The following EXOC4 variants were observed in gnomAD, a reference collection of about 807,000 sequenced individuals.
The protein encoded by EXOC4 is exocyst complex component 4.
A neutral mutation model predicts 107.2 loss-of-function variants in EXOC4; 71 were observed. That is an observed-to-expected ratio of 0.66 (90% CI 0.55 to 0.81). The LOEUF (loss-of-function observed/expected upper bound fraction) is 0.81, where lower values mean the gene tolerates loss of function less well. Ranked by LOEUF, EXOC4 falls within the 30% of genes least tolerant of loss-of-function variation. The probability of loss-of-function intolerance (pLI) is 0.00; values close to 1 mark genes in which losing one functional copy is unlikely to be tolerated. For missense variants in EXOC4, 1,108 were observed against 1,189.6 expected, an observed-to-expected ratio of 0.93 and a Z score of 1.01; for synonymous variants, 456 against 441.2, an observed-to-expected ratio of 1.03 and a Z score of -0.42.
chr7:133,777,849 C>T (rs764937439), intron 10 of EXOC4, among the ~76,000 whole-genome samples: 11 of 152,186 alleles, frequency 7.2e-5, no homozygotes, highest in South Asian at 2.1e-4. Flanking sequence ...AATCCTCTGG[C>T]GTATAGCTAG....
chr7:133,943,645 G>A (rs1800483470), intron 14 of EXOC4, among the ~76,000 whole-genome samples: 1 of 152,004 alleles, frequency 6.6e-6, no homozygotes. Context: ...ATTTCTCCCG[G>A]CACCATCAGG....
intron 9 of EXOC4, among the ~76,000 whole-genome samples, chr7:133,520,790 CTTCCTTTCTT>C (rs1799964223): frequency 6.6e-6 from 1 of 152,008 alleles, no homozygotes; most frequent in South Asian, 2.1e-4. Context: ...TCTATTCTCC[CTTCCTTTCTT>C]TTCCTTTCTC....
chr7:133,360,806 A>C (rs1051156083), intron 6 of EXOC4, among the ~76,000 whole-genome samples: 1 of 152,240 alleles, frequency 6.6e-6, no homozygotes, highest in Non-Finnish European at 1.5e-5. Context: ...TTTTAATCAC[A>C]AGAAATTATT....
In EXOC4 at chr7:133,794,423, G is replaced by A. The variant is rs546792331; in HGVS notation, c.1515-22902G>A. On this transcript the variant is annotated intron_variant, in intron 10 of 17. Coordinates refer to ENST00000253861, the MANE Select transcript of EXOC4 (RefSeq NM_021807.4). ...GTCCCAGTAACATGGAGGCTACCTGGCCTCCTTAGTGAGCCCAGGAGAAGA... is the reference window on the plus strand; with the variant it reads ...GTCCCAGTAACATGGAGGCTACCTGACCTCCTTAGTGAGCCCAGGAGAAGA... 5.3e-5 allele frequency among the ~76,000 whole-genome samples: 8 copies of A among 152,186 alleles called. No homozygotes were observed. The South Asian group carries it at 1.7e-3, about 32-fold the overall frequency.
rs1334402698 is a variant in EXOC4 at position 133,665,351 on chromosome 7, A to G, written c.1514+35210A>G. Among the ~76,000 whole-genome samples, 3 of 152,302 alleles carry G rather than the reference A, an allele frequency of 2.0e-5. No homozygotes were observed. In the East Asian group the frequency reaches 5.8e-4, roughly 29 times the overall value. ...GATCAAATGTGTACAAATACGCTTC[A>G]TAAATTGCTGTAAACATTTAAGTTA... On this transcript the variant is annotated intron_variant, in intron 10 of 17. Transcript: ENST00000253861.
chr7:133,977,738 T>TTGTGTGTGTG (rs201003706), intron 14 of EXOC4, among the ~76,000 whole-genome samples: 1 of 88,196 alleles, frequency 1.1e-5, no homozygotes, highest in Non-Finnish European at 2.1e-5. Flanking sequence ...TTTTGTTGTT[T>TTGTGTGTGTG]TGTGTGTGTG....
intron 2 of EXOC4, among the ~76,000 whole-genome samples, chr7:133,276,710 G>A (rs942733607): frequency 6.6e-6 from 1 of 152,138 alleles, no homozygotes; most frequent in African/African-American, 2.4e-5. Flanking sequence ...TCACTGCCCT[G>A]TGCTATGAGA....
downstream of EXOC4, among the ~76,000 whole-genome samples, chr7:134,070,257 G>A (rs536747684): frequency 9.2e-5 from 14 of 152,182 alleles, no homozygotes; most frequent in South Asian, 4.2e-4. Context: ...ATTAATAAGC[G>A]TGTGACCAGA....
the EXOC4 span, among the ~76,000 whole-genome samples, chr7:134,084,793 A>C: frequency 6.6e-6 from 1 of 152,130 alleles, no homozygotes; most frequent in Non-Finnish European, 1.5e-5. Flanking sequence ...TTAAAAGAAA[A>C]ACTTCAGCCA....
Position 133,895,632 on chromosome 7 carries a change from C to T in EXOC4, c.1768C>T (p.Leu590Phe), listed in dbSNP as rs769571711. 2 of 1,613,874 alleles carry T rather than the reference C, an allele frequency of 1.2e-6. No individual in the cohort carries two copies. Among genetic ancestry groups the T allele is most frequent in the Admixed American group, 1.7e-5 (1 of 60,022 alleles). Residue 590 changes from leucine to phenylalanine, a missense_variant, in exon 12 of 18, where the codon CTC (leucine) becomes TTC (phenylalanine). Transcript: ENST00000253861. ...CATTGTGGAGAAGACAGTTCAAGAC[C>T]TCCTGAACCTGATGCATGACTTGAG... ...TIIVEKTVQD[L>F]LNLMHDLSAY...
intron 9 of EXOC4, among the ~76,000 whole-genome samples, chr7:133,608,690 A>G (rs1197518133): frequency 6.6e-6 from 1 of 151,234 alleles, no homozygotes. Context: ...CTGGGATTAC[A>G]GGCACGTGCC....
intron 9 of EXOC4, among the ~76,000 whole-genome samples, chr7:133,608,267 A>G (rs1222032042): frequency 6.6e-6 from 1 of 152,042 alleles, no homozygotes; most frequent in Non-Finnish European, 1.5e-5. Flanking sequence ...ATTTTCTCTT[A>G]TATTCCTTTA....
intron 14 of EXOC4, among the ~76,000 whole-genome samples, chr7:133,974,759 A>G (rs1481302965): frequency 6.6e-6 from 1 of 152,250 alleles, no homozygotes; most frequent in African/African-American, 2.4e-5. Context: ...ACCCTAAGCA[A>G]TAAGCTTTTG....
intron 11 of EXOC4, among the ~76,000 whole-genome samples, chr7:133,878,838 G>A (rs935625360): frequency 6.6e-6 from 1 of 151,932 alleles, no homozygotes; most frequent in African/African-American, 2.4e-5. Flanking sequence ...ATTCTCCTGC[G>A]TCAGTCTCCT....
chr7:133,765,460 G>A (rs1796116555), intron 10 of EXOC4, among the ~76,000 whole-genome samples: 5 of 151,974 alleles, frequency 3.3e-5, no homozygotes, highest in Admixed American at 3.3e-4. Flanking sequence ...GGTAGGCTTG[G>A]GAATTGAAAG....
rs183192681 is a variant in EXOC4, at chr7:133,788,908, G to A, written c.1515-28417G>A. 9.9e-5 allele frequency among the ~76,000 whole-genome samples: 15 copies of A among 152,148 alleles called. No individual in the cohort carries two copies. In the East Asian group the frequency reaches 1.7e-3, roughly 18 times the overall value. ...TTCTAGATGGCAAGATCTTCAGCTC[G>A]TTCACCATATAATACATGAAATACA... On this transcript the variant is annotated intron_variant, in intron 10 of 17. Coordinates refer to ENST00000253861, the MANE Select transcript of EXOC4 (RefSeq NM_021807.4).
chr7:134,049,250 G>T (rs1795727312), intron 17 of EXOC4, among the ~76,000 whole-genome samples: 1 of 152,058 alleles, frequency 6.6e-6, no homozygotes, highest in South Asian at 2.1e-4. Context: ...ATAATAAATG[G>T]TAATTGTTTT....
chr7:133,623,638 C>T (rs13223070), intron 9 of EXOC4, among the ~76,000 whole-genome samples: 59,775 of 151,942 alleles, frequency 0.39, 12,110 homozygotes, highest in South Asian at 0.52. Context: ...GGGCTTGTTG[C>T]CTGGATTTTC....
intron 10 of EXOC4, among the ~76,000 whole-genome samples, chr7:133,706,601 G>A (rs190149613): frequency 1.3e-5 from 2 of 152,172 alleles, no homozygotes; most frequent in African/African-American, 2.4e-5. Context: ...ATTGCACCCA[G>A]TACATCCAAA....
Sources: gnomAD v4.1 joint callset for allele counts (sites outside exome capture counted in the v4.1 genomes callset) on GRCh38, gnomAD v4.1.1 for gene constraint, MANE v1.5 for transcripts, NCBI Gene and HGNC (gene_info 2026-07-23, HGNC 2026-07-21) for gene names.